Variants in PCDH15 observed in about 807,000 individuals in gnomAD.
PCDH15 encodes the protein protocadherin-15.
In PCDH15, 129 loss-of-function variants were observed where a neutral mutation model predicts 178.5. That is an observed-to-expected ratio of 0.72 (90% CI 0.63 to 0.84). PCDH15 has a LOEUF of 0.84. Among genes scored for constraint, PCDH15 ranks in the 40% least tolerant of loss-of-function variants. The pLI is 0.00. For synonymous variants in PCDH15, 800 were observed against 732.0 expected (o/e 1.09, Z -1.50); for missense variants, 2,230 against 2,099.9 (o/e 1.06, Z -1.21).
intron 2 of PCDH15, among the ~76,000 whole-genome samples, chr10:54,928,581 T>C (rs1564636891): frequency 6.6e-6 from 1 of 152,116 alleles, no homozygotes; most frequent in Non-Finnish European, 1.5e-5. Flanking sequence ...CACCAATGAG[T>C]CATAGATTTG....
intron 21 of PCDH15, among the ~76,000 whole-genome samples, chr10:53,969,784 A>G (rs1394051849): frequency 6.6e-6 from 1 of 152,158 alleles, no homozygotes; most frequent in African/African-American, 2.4e-5. Context: ...GGAGAAATAA[A>G]ATCCTTTACA....
At position 54,616,746 on chromosome 10, in the gene PCDH15, C is replaced by T. The variant is rs757409294; in HGVS notation, c.91+47426G>A. ...TACCTCGGAACTGGAACCCAAGAGA[C>T]GTATTTATAACAAGTTTAACTAGGT... On this transcript the variant is annotated intron_variant, in intron 2 of 37. Coordinates refer to ENST00000644397, the MANE Select transcript of PCDH15 (RefSeq NM_001384140.1). Among the ~76,000 whole-genome samples, 11 of 152,062 alleles carry T rather than the reference C, an allele frequency of 7.2e-5. No homozygotes were observed. In the South Asian group the frequency reaches 1.0e-3, roughly 14 times the overall value.
intron 1 of PCDH15, among the ~76,000 whole-genome samples, chr10:54,755,120 C>A (rs886607292): frequency 6.6e-6 from 1 of 151,786 alleles, no homozygotes; most frequent in South Asian, 2.1e-4. Context: ...TCAGTAGAGA[C>A]AGGGTTTTGC....
At chr10:53,986,918 G>A (rs2091142781) in intron 21 of PCDH15, among the ~76,000 whole-genome samples, 2 of 152,138 alleles carry the variant, frequency 1.3e-5, no homozygotes, top group Admixed American at 6.5e-5. Context: ...AGTAAATTAA[G>A]TGACTTGACC....
intron 1 of PCDH15, among the ~76,000 whole-genome samples, chr10:55,234,279 T>C (rs1178123369): frequency 6.6e-6 from 1 of 152,114 alleles, no homozygotes; most frequent in African/African-American, 2.4e-5. Context: ...AATATTGTGG[T>C]GTTGCTACCA....
At chr10:54,488,451 TA>T (rs1287010663) in intron 3 of PCDH15, among the ~76,000 whole-genome samples, 298 of 146,550 alleles carry the variant, frequency 2.0e-3, no homozygotes, top group African/African-American at 4.6e-3. Context: ...TAAGGTATGG[TA>T]AAAAAAAAAA....
intron 8 of PCDH15, among the ~76,000 whole-genome samples, chr10:54,305,760 G>A (rs190750574): frequency 3.3e-5 from 5 of 151,986 alleles, no homozygotes; most frequent in Non-Finnish European, 7.4e-5. Context: ...TTTTAAGGAG[G>A]CATATATGAG....
At chr10:54,046,804 AT>A (rs900440947) in intron 18 of PCDH15, among the ~76,000 whole-genome samples, 5 of 151,960 alleles carry the variant, frequency 3.3e-5, no homozygotes, top group Admixed American at 1.3e-4. Context: ...TGTGTATTAC[AT>A]TTTTTTTCTT....
At chr10:54,855,080 T>C (rs1344715921) in intron 3 of PCDH15, among the ~76,000 whole-genome samples, 1 of 152,216 alleles carries the variant, frequency 6.6e-6, no homozygotes, top group African/African-American at 2.4e-5. Flanking sequence ...ACTGACCCAG[T>C]GTGTACACAC....
intron 2 of PCDH15, among the ~76,000 whole-genome samples, chr10:55,544,158 A>G (rs1018203216): frequency 7.1e-6 from 1 of 141,590 alleles, no homozygotes; most frequent in Non-Finnish European, 1.5e-5. Context: ...ATATATATAT[A>G]TATATATATA....
chr10:55,201,784 A>C (rs1840256634), intron 1 of PCDH15, among the ~76,000 whole-genome samples: 1 of 152,192 alleles, frequency 6.6e-6, no homozygotes, highest in South Asian at 2.1e-4. Flanking sequence ...ATGACTTCTA[A>C]GCTTTTTTGG....
At chr10:54,377,027 T>C (rs1407486289) in intron 4 of PCDH15, among the ~76,000 whole-genome samples, 3 of 151,978 alleles carry the variant, frequency 2.0e-5, no homozygotes, top group Admixed American at 1.3e-4. Context: ...AAAATAATTA[T>C]ATAAATATAC....
At chr10:55,206,551 GTGGGTT>G (rs1840408498) in intron 1 of PCDH15, among the ~76,000 whole-genome samples, 1 of 152,060 alleles carries the variant, frequency 6.6e-6, no homozygotes, top group Non-Finnish European at 1.5e-5. Flanking sequence ...AAAGAATTTT[GTGGGTT>G]TGAGGTCAGA....
At chr10:54,885,963 C>T (rs2131810821) in intron 3 of PCDH15, among the ~76,000 whole-genome samples, 1 of 152,180 alleles carries the variant, frequency 6.6e-6, no homozygotes, top group African/African-American at 2.4e-5. Context: ...CTTAACTTCA[C>T]CTAAACATAC....
chr10:54,251,740 GTTA>G (rs912065563), intron 8 of PCDH15, among the ~76,000 whole-genome samples: 1 of 152,048 alleles, frequency 6.6e-6, no homozygotes, highest in Admixed American at 6.6e-5. Context: ...AAAAATATTT[GTTA>G]TTATTGTTTA....
chr10:54,365,127 A>G (rs569457754), intron 5 of PCDH15, among the ~76,000 whole-genome samples: 2 of 152,210 alleles, frequency 1.3e-5, no homozygotes, highest in South Asian at 4.1e-4. Flanking sequence ...TAATCTCCCT[A>G]TTAACTTCCA....
intron 26 of PCDH15, among the ~76,000 whole-genome samples, chr10:53,869,858 A>G (rs1336615119): frequency 6.6e-6 from 1 of 152,144 alleles, no homozygotes; most frequent in Non-Finnish European, 1.5e-5. Context: ...AAGGAAAACC[A>G]CTTTCCTAAT....
chr10:54,916,955 C>A (rs1837352567), intron 2 of PCDH15, among the ~76,000 whole-genome samples: 1 of 152,012 alleles, frequency 6.6e-6, no homozygotes, highest in Non-Finnish European at 1.5e-5. Flanking sequence ...AGAAAGATGA[C>A]CATGTATGCA....
At chr10:55,276,946 G>C (rs1171456639) in intron 1 of PCDH15, among the ~76,000 whole-genome samples, 1 of 151,992 alleles carries the variant, frequency 6.6e-6, no homozygotes, top group Admixed American at 6.6e-5. Context: ...GGTTTTGAAA[G>C]AATTCTCAGT....
Sources: gnomAD v4.1 joint callset for allele counts (sites outside exome capture counted in the v4.1 genomes callset) on GRCh38, gnomAD v4.1.1 for gene constraint, MANE v1.5 for transcripts, NCBI Gene and HGNC (gene_info 2026-07-23, HGNC 2026-07-21) for gene names.